The following PCDH15 variants were observed in gnomAD, a reference collection of about 807,000 sequenced individuals.
The protein encoded by PCDH15 is protocadherin related 15.
In PCDH15, 129 loss-of-function variants were observed where a neutral mutation model predicts 178.5. That is an observed-to-expected ratio of 0.72 (90% CI 0.63 to 0.84). The LOEUF is 0.84. PCDH15 is among the 40% of genes least tolerant of loss of function. PCDH15 has a pLI of 0.00. For synonymous variants in PCDH15, 800 were observed against 732.0 expected (o/e 1.09, Z -1.50); for missense variants, 2,230 against 2,099.9 (o/e 1.06, Z -1.21).
intron 2 of PCDH15, among the ~76,000 whole-genome samples, chr10:54,910,522 A>G (rs1954799387): frequency 6.6e-6 from 1 of 152,184 alleles, no homozygotes; most frequent in African/African-American, 2.4e-5. Flanking sequence ...ATCATTGGAA[A>G]TCTAGGCCTA....
intron 1 of PCDH15, among the ~76,000 whole-genome samples, chr10:54,731,450 A>G (rs991779716): frequency 6.7e-6 from 1 of 149,392 alleles, no homozygotes; most frequent in African/African-American, 2.4e-5. Context: ...TTGAAGAGAT[A>G]TCTTCACTCC....
intron 1 of PCDH15, among the ~76,000 whole-genome samples, chr10:54,783,601 GTCT>G (rs1052037176): frequency 6.6e-6 from 1 of 152,102 alleles, no homozygotes; most frequent in African/African-American, 2.4e-5. Context: ...AAATTCCCAA[GTCT>G]TCAGAGAGAT....
intron 18 of PCDH15, among the ~76,000 whole-genome samples, chr10:54,030,716 G>A (rs997626104): frequency 6.6e-6 from 1 of 151,722 alleles, no homozygotes; most frequent in Non-Finnish European, 1.5e-5. Flanking sequence ...TAGCATTCAA[G>A]GCTCTACCTG....
At chr10:54,980,216 C>T (rs1180923194) in intron 2 of PCDH15, among the ~76,000 whole-genome samples, 1 of 152,110 alleles carries the variant, frequency 6.6e-6, no homozygotes, top group African/African-American at 2.4e-5. Flanking sequence ...ATAATTAATA[C>T]CAGCAAACAA....
chr10:54,441,714 TG>T (rs1169170499), intron 3 of PCDH15, among the ~76,000 whole-genome samples: 2 of 151,912 alleles, frequency 1.3e-5, no homozygotes, highest in Non-Finnish European at 2.9e-5. Context: ...TGAGAAATCT[TG>T]TCTTCTTAAC....
At chr10:53,976,402 A>T (rs931191817) in intron 21 of PCDH15, among the ~76,000 whole-genome samples, 3 of 152,106 alleles carry the variant, frequency 2.0e-5, no homozygotes, top group Non-Finnish European at 4.4e-5. Context: ...CTTCTCCTGA[A>T]TGTTCTTTAG....
rs185984754 is a variant in PCDH15, at chr10:54,800,615, T to C, written c.-29+310A>G. Among the ~76,000 whole-genome samples the C allele has an allele frequency of 1.8e-4, 28 of 152,316 alleles. No homozygotes were observed. In the East Asian group the frequency reaches 5.4e-3, roughly 29 times the overall value. ...GGAAGTAGAAGAAGTGGTTGAGGAC[T>C]AAAAATTCTTTTAAATAACAAACCA... On this transcript the variant is annotated intron_variant, in intron 1 of 37. Transcript: ENST00000644397.
chr10:53,861,353 T>C (rs1330123993), intron 27 of PCDH15, among the ~76,000 whole-genome samples: 1 of 152,174 alleles, frequency 6.6e-6, no homozygotes, highest in East Asian at 1.9e-4. Context: ...TTGATATTTG[T>C]AATGGATTCA....
At chr10:54,283,966 A>T (rs1291534340) in intron 8 of PCDH15, among the ~76,000 whole-genome samples, 4 of 152,106 alleles carry the variant, frequency 2.6e-5, no homozygotes, top group Non-Finnish European at 5.9e-5. Flanking sequence ...TGAGTAACTA[A>T]GACTACAGGT....
At chr10:55,105,492 T>C (rs574933140) in intron 2 of PCDH15, among the ~76,000 whole-genome samples, 14 of 152,296 alleles carry the variant, frequency 9.2e-5, no homozygotes, top group African/African-American at 3.4e-4. Flanking sequence ...GTATCATGAG[T>C]AAATGCCCAC....
At chr10:55,381,203 T>A (rs1471393312) in intron 2 of PCDH15, among the ~76,000 whole-genome samples, 1 of 152,114 alleles carries the variant, frequency 6.6e-6, no homozygotes, top group Non-Finnish European at 1.5e-5. Flanking sequence ...CAAAAGGCAG[T>A]GTTTGTCTCC....
chr10:55,069,469 T>G (rs1474708884), intron 2 of PCDH15, among the ~76,000 whole-genome samples: 2 of 125,760 alleles, frequency 1.6e-5, no homozygotes, highest in African/African-American at 6.1e-5. Context: ...GATGTTCCCC[T>G]TCCTGTGTCC....
chr10:54,000,288 C>T (rs1376202384), intron 20 of PCDH15, among the ~76,000 whole-genome samples: 1 of 152,074 alleles, frequency 6.6e-6, no homozygotes, highest in Admixed American at 6.5e-5. Flanking sequence ...CAAACATCCA[C>T]AAGCATCAAT....
At chr10:54,888,737 T>A (rs200880456) in intron 3 of PCDH15, among the ~76,000 whole-genome samples, 26,080 of 150,890 alleles carry the variant, frequency 0.17, 3,001 homozygotes, top group Non-Finnish European at 0.26. Flanking sequence ...CATTTTCCTG[T>A]TGTTGTTTTT....
chr10:54,535,582 C>T lies in PCDH15; in HGVS notation c.92-7705G>A, dbSNP rs374702219. ...AAAATTAGCTGGGCGTGGTGGCGGG[C>T]GCCTGTAGTCCCAGCTATTCGGGAG... On this transcript the variant is annotated intron_variant, in intron 2 of 37. Transcript: ENST00000644397. Among the ~76,000 whole-genome samples, 264 of 151,716 alleles carry T rather than the reference C, an allele frequency of 1.7e-3. 1 individual carries two copies. The highest frequency in any genetic ancestry group is 7.4e-3 in the Admixed American group (113 of 15,242).
At chr10:54,811,455 G>T (rs1952860771) in intron 3 of PCDH15, among the ~76,000 whole-genome samples, 1 of 152,036 alleles carries the variant, frequency 6.6e-6, no homozygotes, top group East Asian at 1.9e-4. Flanking sequence ...TTCAGTTATA[G>T]CTAAATAATT....
chr10:55,436,432 A>T (rs533285640), intron 2 of PCDH15, among the ~76,000 whole-genome samples: 1 of 152,270 alleles, frequency 6.6e-6, no homozygotes, highest in South Asian at 2.1e-4. Flanking sequence ...AAACATTATG[A>T]CATATAAGTT....
At chr10:54,666,620 A>G (rs2094575807) in intron 1 of PCDH15, among the ~76,000 whole-genome samples, 1 of 152,048 alleles carries the variant, frequency 6.6e-6, no homozygotes, top group Non-Finnish European at 1.5e-5. Context: ...AAATAAAACA[A>G]TGTTATTTAA....
At chr10:53,925,397 G>A (rs2084438328) in intron 25 of PCDH15, among the ~76,000 whole-genome samples, 2 of 152,174 alleles carry the variant, frequency 1.3e-5, no homozygotes, top group Non-Finnish European at 2.9e-5. Context: ...CCACCAGAAG[G>A]AAGAAACTCC....
Sources: allele counts gnomAD v4.1 joint callset (sites outside exome capture counted in the v4.1 genomes callset), GRCh38; gene constraint gnomAD v4.1.1; transcripts MANE v1.5; gene names NCBI Gene and HGNC (gene_info 2026-07-23, HGNC 2026-07-21).